HFM1: variants seen among roughly 807,000 people sequenced by gnomAD.
HFM1 encodes probable ATP-dependent DNA helicase HFM1.
Under a neutral mutation model 192.1 loss-of-function variants are expected in HFM1, and 169 were observed. The observed-to-expected ratio is 0.88, with a 90% CI of 0.78 to 1.00. HFM1 has a LOEUF of 1.00. Ranked by LOEUF, HFM1 falls within the 50% of genes least tolerant of loss-of-function variation. The pLI is 0.00. For missense variants in HFM1, 1,661 were observed against 1,668.0 expected (o/e 1.00, Z 0.07); for synonymous variants, 525 against 537.8 (o/e 0.98, Z 0.33).
At chr1:91,350,617 G>A (rs1656801867) in intron 18 of HFM1, 121 bp downstream of exon 18, 1 of 825,904 alleles carries the variant, frequency 1.2e-6, no homozygotes, top group East Asian at 2.9e-5. Flanking sequence ...TGGGACTGTT[G>A]TTACCTTTTG....
At chr1:91,400,721 T>G (rs1571251316) in intron 2 of HFM1, among the ~76,000 whole-genome samples, 1 of 152,136 alleles carries the variant, frequency 6.6e-6, no homozygotes, top group Admixed American at 6.5e-5. Flanking sequence ...TGATTTCAGG[T>G]GATTCACCCG....
At chr1:91,264,958 T>C (rs183956946) in intron 36 of HFM1, among the ~76,000 whole-genome samples, 2 of 152,326 alleles carry the variant, frequency 1.3e-5, no homozygotes, top group East Asian at 3.9e-4. Flanking sequence ...TCAACTATCA[T>C]ATCCTATCAA....
chr1:91,341,445 A>G (rs969035523), intron 20 of HFM1, among the ~76,000 whole-genome samples: 1 of 152,172 alleles, frequency 6.6e-6, no homozygotes, highest in African/African-American at 2.4e-5. Flanking sequence ...ATGTTCAGAG[A>G]AAAGTTTATG....
At chr1:91,381,069 T>G in intron 6 of HFM1, 87 bp from the exon 7 acceptor site, 1 of 669,380 alleles carries the variant, frequency 1.5e-6, no homozygotes, top group Non-Finnish European at 2.7e-6. Context: ...TAATATAGAT[T>G]CTGACAATAT....
intron 4 of HFM1, among the ~76,000 whole-genome samples, chr1:91,388,114 T>C (rs943710668): frequency 6.6e-6 from 1 of 152,092 alleles, no homozygotes; most frequent in African/African-American, 2.4e-5. Flanking sequence ...TATTTTGCCA[T>C]ATGTATCTCT....
intron 30 of HFM1, among the ~76,000 whole-genome samples, chr1:91,278,832 T>C (rs1254178062): frequency 1.3e-5 from 2 of 152,106 alleles, no homozygotes; most frequent in Non-Finnish European, 2.9e-5. Context: ...CAAACAATTT[T>C]GAGAATATAA....
At chr1:91,331,108 G>T (rs1312141681) in intron 20 of HFM1, among the ~76,000 whole-genome samples, 1 of 152,180 alleles carries the variant, frequency 6.6e-6, no homozygotes, top group African/African-American at 2.4e-5. Context: ...ATTCACCATA[G>T]TATTGGAAGT....
At chr1:91,353,403 A>G (rs1657230135) in intron 13 of HFM1, 104 bp from the exon 14 acceptor site, 2 of 605,570 alleles carry the variant, frequency 3.3e-6, no homozygotes, top group Non-Finnish European at 5.7e-6. Flanking sequence ...AAATTTTCAC[A>G]ATATCATTAT....
intron 13 of HFM1, among the ~76,000 whole-genome samples, chr1:91,372,547 T>C (rs966378872): frequency 2.0e-5 from 3 of 151,936 alleles, no homozygotes; most frequent in Non-Finnish European, 4.4e-5. Context: ...TGAGAACACA[T>C]GGACACAGGA....
chr1:91,261,663 C>T lies in HFM1; in HGVS notation c.4239-304G>A, dbSNP rs575335428. 1.1e-4 allele frequency: 20 copies of T among 186,662 alleles called. No individual in the cohort carries two copies. The East Asian group carries it at 2.5e-3, about 24-fold the overall frequency. 11.6% of individuals were successfully genotyped at this position (186,662 alleles called of 1,614,324 possible). A position where few individuals can be genotyped will look rare whatever the true frequency, so the allele number is the denominator to read the frequency against. ...GAAGTGTTGTTTACAACTAATTGAT[C>T]ACAACCAGTTACAGATTTCTGTTTC... On this transcript the variant is annotated intron_variant, in intron 38 of 38. Coordinates refer to ENST00000370425, the MANE Select transcript of HFM1 (RefSeq NM_001017975.6).
intron 13 of HFM1, among the ~76,000 whole-genome samples, chr1:91,373,479 A>G (rs1660510983): frequency 1.3e-5 from 2 of 152,106 alleles, no homozygotes; most frequent in African/African-American, 4.8e-5. Flanking sequence ...TTCTGCTATA[A>G]TTTGGATGCT....
At chr1:91,407,195 T>C (rs1449431480), upstream of HFM1, among the ~76,000 whole-genome samples, 1 of 149,752 alleles carries the variant, frequency 6.7e-6, no homozygotes, top group Admixed American at 6.7e-5. Context: ...CTTCACACAC[T>C]GGGGCCCGTT....
chr1:91,328,032 A>G (rs1653178284), intron 20 of HFM1, among the ~76,000 whole-genome samples: 1 of 152,074 alleles, frequency 6.6e-6, no homozygotes, highest in South Asian at 2.1e-4. Flanking sequence ...AATGTCAAAT[A>G]AAAAACCTAA....
chr1:91,309,689 T>TTA (rs1373173745), intron 30 of HFM1, among the ~76,000 whole-genome samples: 1 of 152,192 alleles, frequency 6.6e-6, no homozygotes, highest in Non-Finnish European at 1.5e-5. Context: ...GATACTCTAT[T>TTA]ATTTTTGAGC....
chr1:91,398,334 A>G (rs1428704602), intron 2 of HFM1, among the ~76,000 whole-genome samples: 2 of 152,152 alleles, frequency 1.3e-5, no homozygotes, highest in African/African-American at 2.4e-5. Context: ...TTTACTAACT[A>G]TATCTAGATA....
At chr1:91,306,445 CAAG>C (rs1649624930) in intron 30 of HFM1, among the ~76,000 whole-genome samples, 1 of 152,116 alleles carries the variant, frequency 6.6e-6, no homozygotes, top group African/African-American at 2.4e-5. Context: ...TGACACCTAT[CAAG>C]AGGATCAAAT....
rs945392747 is a variant in HFM1, at chr1:91,329,364, A to C, written c.2336-4598T>G. On this transcript the variant is annotated intron_variant, in intron 20 of 38. Coordinates refer to ENST00000370425, the MANE Select transcript of HFM1 (RefSeq NM_001017975.6). The stretch of plus-strand genomic sequence containing the variant: ...CCACAGTGGGGTCAAGAGGCTGAGT[A>C]AGAGTCATTAAGGCAGCACCCAGGG... 3.1e-6 allele frequency: 5 copies of C among 1,596,762 alleles called. No homozygotes were observed. The African/African-American group carries it at 6.7e-5, about 21-fold the overall frequency.
intron 13 of HFM1, among the ~76,000 whole-genome samples, chr1:91,359,152 G>A: frequency 6.6e-6 from 1 of 152,126 alleles, no homozygotes; most frequent in East Asian, 1.9e-4. Flanking sequence ...ACAAAGATGA[G>A]AAAGAGTCAA....
intron 36 of HFM1, among the ~76,000 whole-genome samples, chr1:91,262,950 C>T (rs1043795215): frequency 6.6e-6 from 1 of 152,124 alleles, no homozygotes; most frequent in Non-Finnish European, 1.5e-5. Context: ...ATTCTGGTCT[C>T]ATTGTAGTTA....
Sources: gnomAD v4.1 joint callset for allele counts (sites outside exome capture counted in the v4.1 genomes callset) on GRCh38, gnomAD v4.1.1 for gene constraint, MANE v1.5 for transcripts, NCBI Gene and HGNC (gene_info 2026-07-23, HGNC 2026-07-21) for gene names.